CACNA1C: variants seen among roughly 807,000 people sequenced by gnomAD.
CACNA1C encodes the protein voltage-dependent L-type calcium channel subunit alpha-1C.
A neutral mutation model predicts 229.0 loss-of-function variants in CACNA1C; 30 were observed. The ratio of observed to expected loss-of-function variants is 0.13; its 90% CI spans 0.10 to 0.18. The LOEUF (loss-of-function observed/expected upper bound fraction) is 0.18, where lower values mean the gene tolerates loss of function less well. Among genes scored for constraint, CACNA1C ranks in the 10% least tolerant of loss-of-function variants. CACNA1C has a pLI of 1.00. For synonymous variants in CACNA1C, 1,114 were observed against 1,132.5 expected (o/e 0.98, Z 0.33); for missense variants, 1,658 against 2,845.0 (o/e 0.58, Z 9.49).
chr12:2,547,459 C>A, intron 9 of CACNA1C: 1 of 779,644 alleles, frequency 1.3e-6, no homozygotes, highest in South Asian at 1.3e-5. Context: ...GGAGGCACTC[C>A]GGCGGGCATG....
chr12:2,267,179 A>T (rs2154410799), intron 3 of CACNA1C, among the ~76,000 whole-genome samples: 1 of 152,136 alleles, frequency 6.6e-6, no homozygotes, highest in East Asian at 1.9e-4. Flanking sequence ...GGCGCTTAAG[A>T]AATGTTCATG....
At chr12:2,332,203 A>G (rs2096569168) in intron 3 of CACNA1C, among the ~76,000 whole-genome samples, 1 of 152,270 alleles carries the variant, frequency 6.6e-6, no homozygotes, top group Non-Finnish European at 1.5e-5. Flanking sequence ...TATGTTACAT[A>G]TGTATATTTC....
At chr12:2,270,855 C>T (rs955076779) in intron 3 of CACNA1C, among the ~76,000 whole-genome samples, 4 of 152,188 alleles carry the variant, frequency 2.6e-5, no homozygotes, top group Admixed American at 2.0e-4. Flanking sequence ...CAAGTGCTGG[C>T]ACAGACAGCC....
intron 3 of CACNA1C, among the ~76,000 whole-genome samples, chr12:2,194,601 C>G (rs957367909): frequency 1.3e-5 from 2 of 152,156 alleles, no homozygotes; most frequent in Non-Finnish European, 2.9e-5. Context: ...CCCCTTCCTG[C>G]TCTGTGACAT....
At position 2,512,984 on chromosome 12, in the gene CACNA1C, A is replaced by G. The variant is rs764849976; in HGVS notation, c.1390A>G (p.Met464Val). The G allele has an allele frequency of 6.3e-7, 1 of 1,597,792 alleles. No homozygotes were observed. The highest frequency in any genetic ancestry group is 2.3e-5 in the East Asian group (1 of 44,262). Residue 464 changes from methionine to valine, a missense_variant and splice_region_variant, in exon 9 of 47, where the codon ATG (methionine) becomes GTG (valine). Around this residue, in one of 20 missense-constraint regions of CACNA1C, gnomAD observed 149 missense variants for 194.2 expected, o/e 0.77. Transcript: ENST00000399655. This position sits in a 1 kb window ranked among gnomAD's most constrained non-coding sequence, Gnocchi z 4.3. Reference sequence around the variant, plus strand: ...CATGGATGAGGAGAAGCCCCGAAACAGTGAGCAGCCGTCTTCTTCTGTGTT... The same window carrying G: ...CATGGATGAGGAGAAGCCCCGAAACGGTGAGCAGCCGTCTTCTTCTGTGTT... ...EGMDEEKPRN[M>V]SMPTSETESV...
chr12:2,148,740 G>A (rs755475146), intron 3 of CACNA1C, among the ~76,000 whole-genome samples: 6 of 151,032 alleles, frequency 4.0e-5, no homozygotes, highest in African/African-American at 7.3e-5. Flanking sequence ...TGTAGAAACA[G>A]GGTCTTGCTG....
In CACNA1C at chr12:2,082,505, A is replaced by G. The variant is rs557377426; in HGVS notation, c.49+28894A>G. Among the ~76,000 whole-genome samples the G allele has an allele frequency of 1.6e-4, 24 of 152,240 alleles. 1 individual carries two copies. The South Asian group carries it at 4.8e-3, about 30-fold the overall frequency. ...GTGGCAGTCAGACAACACCCCCCGC[A>G]TGGTGTTGCTAGGAAATGCAGGAGC... On this transcript the variant is annotated intron_variant, in intron 1 of 46. Transcript: ENST00000399655.
At chr12:2,372,372 T>A (rs2097892283) in intron 3 of CACNA1C, among the ~76,000 whole-genome samples, 1 of 152,178 alleles carries the variant, frequency 6.6e-6, no homozygotes, top group Admixed American at 6.5e-5. Context: ...ACTGTGCGCC[T>A]AACACACCGG....
Position 2,155,005 on chromosome 12 carries a change from G to A in CACNA1C, c.477+34575G>A, listed in dbSNP as rs145604585. ...TAGAGTATAGGTGCCGTCTATCTCT[G>A]TGTGTTGAGTTATCGGGAGATGAAA... On this transcript the variant is annotated intron_variant, in intron 3 of 46. Coordinates refer to ENST00000399655, the MANE Select transcript of CACNA1C (RefSeq NM_000719.7). Among the ~76,000 whole-genome samples the A allele has an allele frequency of 8.6e-3, 1,316 of 152,282 alleles. 23 individuals carry two copies. The highest frequency in any genetic ancestry group is 0.03 in the African/African-American group (1,246 of 41,558).
chr12:2,571,732 T>C (rs1446721306), intron 13 of CACNA1C, among the ~76,000 whole-genome samples: 1 of 152,196 alleles, frequency 6.6e-6, no homozygotes, highest in African/African-American at 2.4e-5. Flanking sequence ...AAGGCCGTCA[T>C]CTTCCTATTT....
intron 3 of CACNA1C, among the ~76,000 whole-genome samples, chr12:2,407,084 G>A (rs2098745954): frequency 1.3e-5 from 2 of 152,248 alleles, no homozygotes; most frequent in Non-Finnish European, 2.9e-5. Flanking sequence ...ACCCTGGCTG[G>A]AGGCAGAGGG....
chr12:1,989,843 GATTACTATATGGGAAT>G (rs1303507947), intron 1 of CACNA1C, among the ~76,000 whole-genome samples: 1 of 152,212 alleles, frequency 6.6e-6, no homozygotes, highest in African/African-American at 2.4e-5. Flanking sequence ...CACAGTAAGT[GATTACTATATGGGAAT>G]ATTACAAAAG....
At chr12:2,518,244 G>A (rs532517203) in intron 9 of CACNA1C, among the ~76,000 whole-genome samples, 1 of 152,294 alleles carries the variant, frequency 6.6e-6, no homozygotes, top group African/African-American at 2.4e-5. Flanking sequence ...CTTGAGAGCA[G>A]TAACCTGAAT....
Position 2,089,804 on chromosome 12 carries a change from G to GACCT in CACNA1C, c.50-25420_50-25419insACCT, listed in dbSNP as rs1349662047. On this transcript the variant is annotated intron_variant, in intron 1 of 46. Coordinates refer to ENST00000399655, the MANE Select transcript of CACNA1C (RefSeq NM_000719.7). ...AATCCCAGCACTTGGGGAGGCTGAGGTGGGCGGATCACAAGGTCGGGAGAT... is the reference window on the plus strand; with the variant it reads ...AATCCCAGCACTTGGGGAGGCTGAGGACCTTGGGCGGATCACAAGGTCGGGAGAT... Among the ~76,000 whole-genome samples, 134 of 152,226 alleles carry GACCT rather than the reference G, an allele frequency of 8.8e-4. 1 individual carries two copies. Among genetic ancestry groups the GACCT allele is most frequent in the African/African-American group, 3.0e-3 (126 of 41,554 alleles).
chr12:2,634,220 C>G, intron 29 of CACNA1C, 77 bp from the exon 30 acceptor site: 5 of 254,674 alleles, frequency 2.0e-5, no homozygotes, highest in East Asian at 8.1e-5. Context: ...TTCATTTTTC[C>G]TCTTCCCTTT....
At chr12:2,358,548 C>G (rs951933246) in intron 3 of CACNA1C, among the ~76,000 whole-genome samples, 1 of 152,018 alleles carries the variant, frequency 6.6e-6, no homozygotes, top group Non-Finnish European at 1.5e-5. Flanking sequence ...TAGGAATTTA[C>G]GACTAATAAA....
At chr12:2,036,325 C>A (rs2049130150) in intron 1 of CACNA1C, among the ~76,000 whole-genome samples, 1 of 152,154 alleles carries the variant, frequency 6.6e-6, no homozygotes, top group Admixed American at 6.5e-5. Flanking sequence ...GAAGTCACTT[C>A]AGGGTAGGCG....
intron 3 of CACNA1C, among the ~76,000 whole-genome samples, chr12:2,430,255 G>A (rs112550824): frequency 0.021 from 3,127 of 152,174 alleles, 122 homozygotes; most frequent in African/African-American, 0.073. Context: ...AGGAATTTGG[G>A]GGAGGGAATC....
intron 43 of CACNA1C, among the ~76,000 whole-genome samples, 175 bp from the exon 44 acceptor site, chr12:2,685,561 G>A (rs1476305128): frequency 2.6e-5 from 4 of 152,250 alleles, no homozygotes; most frequent in African/African-American, 7.2e-5. Flanking sequence ...CCTGGAAGAC[G>A]TCAGGGGCAG....
Sources: allele counts gnomAD v4.1 joint callset (sites outside exome capture counted in the v4.1 genomes callset), GRCh38; gene constraint gnomAD v4.1.1; regional missense constraint gnomAD v4.1.1; non-coding constraint Gnocchi (gnomAD v3.1); transcripts MANE v1.5; gene names NCBI Gene and HGNC (gene_info 2026-07-23, HGNC 2026-07-21).